Variants in DPY19L1 observed in about 807,000 individuals in gnomAD.
DPY19L1 encodes the protein protein C-mannosyl-transferase DPY19L1.
A neutral mutation model predicts 96.9 loss-of-function variants in DPY19L1; 35 were observed. The ratio of observed to expected loss-of-function variants is 0.36; its 90% CI spans 0.28 to 0.48. The LOEUF (loss-of-function observed/expected upper bound fraction) is 0.48, where lower values mean the gene tolerates loss of function less well. Among genes scored for constraint, DPY19L1 ranks in the 20% least tolerant of loss-of-function variants. The pLI, the probability that DPY19L1 is intolerant of heterozygous loss-of-function variation, is 0.99. For missense variants in DPY19L1, 521 were observed against 777.9 expected (o/e 0.67, Z 3.93); for synonymous variants, 205 against 252.6 (o/e 0.81, Z 1.79).
chr7:34,997,595 G>A (rs1330196112), intron 6 of DPY19L1, among the ~76,000 whole-genome samples: 3 of 129,202 alleles, frequency 2.3e-5, no homozygotes, highest in Non-Finnish European at 4.7e-5. Context: ...GGGCAACTGA[G>A]CGAGACTCCG....
chr7:34,998,068 C>T (rs1356121104), intron 6 of DPY19L1, among the ~76,000 whole-genome samples: 1 of 151,968 alleles, frequency 6.6e-6, no homozygotes, highest in Non-Finnish European at 1.5e-5. Flanking sequence ...AATAAAGCAG[C>T]TTAAAAAAAT....
intron 1 of DPY19L1, among the ~76,000 whole-genome samples, chr7:35,020,114 CACA>C (rs1215111619): frequency 2.0e-5 from 3 of 152,168 alleles, no homozygotes; most frequent in Non-Finnish European, 2.9e-5. Context: ...GCCTGGATGA[CACA>C]ACAAGACCCT....
intron 6 of DPY19L1, among the ~76,000 whole-genome samples, chr7:35,000,921 A>C (rs1238954634): frequency 1.3e-5 from 2 of 152,236 alleles, no homozygotes; most frequent in African/African-American, 4.8e-5. Flanking sequence ...AGACAATTTA[A>C]TTGCTGTGGA....
At chr7:34,946,069 G>T (rs1389366748) in intron 15 of DPY19L1, among the ~76,000 whole-genome samples, 1 of 152,188 alleles carries the variant, frequency 6.6e-6, no homozygotes. Context: ...CCATGCCAAC[G>T]TTGTTGGCAA....
intron 1 of DPY19L1, among the ~76,000 whole-genome samples, chr7:35,024,922 C>T (rs992995523): frequency 5.3e-5 from 8 of 152,184 alleles, no homozygotes; most frequent in Non-Finnish European, 1.0e-4. Context: ...CTGAGTTAAA[C>T]GGTTACATTA....
Position 34,939,248 on chromosome 7 carries a change from T to A in DPY19L1, c.1964+28A>T, listed in dbSNP as rs751978839. On this transcript the variant is annotated intron_variant, in intron 20 of 21. Transcript: ENST00000638088. Reference sequence around the variant, plus strand: ...ACTGTCTGTTTGCATGGGAGGTTTGTTTTGATGATGCAAGACTGTGCACTG... The same window carrying A: ...ACTGTCTGTTTGCATGGGAGGTTTGATTTGATGATGCAAGACTGTGCACTG... 7 of 1,593,202 alleles carry A rather than the reference T, an allele frequency of 4.4e-6. No individual in the cohort carries two copies. The Admixed American group carries it at 1.0e-4, about 24-fold the overall frequency.
At chr7:35,013,366 C>T (rs577242281) in intron 4 of DPY19L1, among the ~76,000 whole-genome samples, 1 of 152,194 alleles carries the variant, frequency 6.6e-6, no homozygotes, top group African/African-American at 2.4e-5. Flanking sequence ...GCAATCAAAT[C>T]AACAGTTCCC....
rs1783695474 is a variant in DPY19L1 at position 34,929,073 on chromosome 7, T to A, written c.*2500A>T. 6.6e-6 allele frequency: 1 copy of A among 152,266 alleles called. No homozygotes were observed. Among genetic ancestry groups the A allele is most frequent in the Non-Finnish European group, 1.5e-5 (1 of 68,048 alleles). The allele number at this position is 152,266 out of a possible 1,614,324, so 9.4% of individuals were successfully genotyped here. The stretch of plus-strand genomic sequence containing the variant: ...AAGCATTTTTAGAGGCTTATCTTTT[T>A]AAAGAAATACAGCCCCAACTTTGTT... On this transcript the variant is annotated 3_prime_UTR_variant, in exon 22 of 22. Coordinates refer to ENST00000638088, the MANE Select transcript of DPY19L1 (RefSeq NM_001366673.1).
intron 7 of DPY19L1, among the ~76,000 whole-genome samples, chr7:34,987,224 A>G (rs1486028814): frequency 6.6e-6 from 1 of 152,052 alleles, no homozygotes; most frequent in Non-Finnish European, 1.5e-5. Flanking sequence ...AAAATTCTCA[A>G]TTGTGACTGA....
At chr7:35,003,163 TA>T (rs199692279) in intron 6 of DPY19L1, among the ~76,000 whole-genome samples, 2,645 of 152,264 alleles carry the variant, frequency 0.017, 25 homozygotes, top group African/African-American at 0.024. Flanking sequence ...CAAAGTTTCA[TA>T]AAATGTTTAC....
intron 10 of DPY19L1, among the ~76,000 whole-genome samples, chr7:34,965,572 T>A (rs937812108): frequency 1.3e-5 from 2 of 152,148 alleles, no homozygotes; most frequent in Non-Finnish European, 2.9e-5. Flanking sequence ...AAAGTAACAA[T>A]AAAGTTCTAT....
intron 3 of DPY19L1, 74 bp from the exon 4 acceptor site, chr7:35,013,779 G>C: frequency 8.1e-7 from 1 of 1,239,728 alleles, no homozygotes; most frequent in African/African-American, 1.5e-5. Flanking sequence ...TAAATACACT[G>C]TTTTTGAAAA....
chr7:34,969,255 C>T (rs975998980), intron 9 of DPY19L1, among the ~76,000 whole-genome samples, 178 bp downstream of exon 9: 3 of 151,910 alleles, frequency 2.0e-5, no homozygotes, highest in Non-Finnish European at 4.4e-5. Flanking sequence ...TTTCTCTACC[C>T]TGAACTTTCT....
At chr7:35,037,966 T>C, upstream of DPY19L1, 2 of 1,157,204 alleles carry the variant, frequency 1.7e-6, no homozygotes, top group Non-Finnish European at 2.2e-6. Flanking sequence ...TCGGAGCCTG[T>C]TAAGGCTGCG....
At chr7:35,002,125 C>CAAAAAAAAAAAAAAAAAA (rs548044939) in intron 6 of DPY19L1, among the ~76,000 whole-genome samples, 2 of 47,086 alleles carry the variant, frequency 4.2e-5, no homozygotes, top group Non-Finnish European at 8.7e-5. Flanking sequence ...GACTCCAGCT[C>CAAAAAAAAAAAAAAAAAA]AAAAAAAAAA....
In DPY19L1 at chr7:35,001,578, A is replaced by T. The variant is rs183134027; in HGVS notation, c.764+8890T>A. Among the ~76,000 whole-genome samples the T allele has an allele frequency of 4.2e-3, 632 of 152,138 alleles. 1 individual carries two copies. The highest frequency in any genetic ancestry group is 0.014 in the African/African-American group (589 of 41,500). On this transcript the variant is annotated intron_variant, in intron 6 of 21. Coordinates refer to ENST00000638088, the MANE Select transcript of DPY19L1 (RefSeq NM_001366673.1). ...TAAAACACTGCACCTCCCTTTTACA[A>T]CCCTAAAAGACCTCTGTTACTTTAT...
chr7:35,037,401 A>G lies in DPY19L1; in HGVS notation c.-7T>C. ...TCCGCGCCTGCAGGACCATCTTGGC[A>G]TAGTCGCGCCCGCTCGCTGCGCGCG... On this transcript the variant is annotated 5_prime_UTR_variant, in exon 1 of 22. It removes an upstream start codon present in the reference 5' UTR. Transcript: ENST00000638088. 1 of 336,722 alleles carries G rather than the reference A, an allele frequency of 3.0e-6. No individual in the cohort carries two copies. The highest frequency in any genetic ancestry group is 5.4e-6 in the Non-Finnish European group (1 of 186,114). 20.9% of individuals were successfully genotyped at this position (336,722 alleles called of 1,614,324 possible).
chr7:34,997,619 A>AAAT (rs1785322603), intron 6 of DPY19L1, among the ~76,000 whole-genome samples: 1 of 150,314 alleles, frequency 6.7e-6, no homozygotes, highest in Non-Finnish European at 1.5e-5. Flanking sequence ...CAAAAAAAAA[A>AAAT]AAAAAAAAAA....
At chr7:34,983,537 A>G (rs1335923991) in intron 7 of DPY19L1, among the ~76,000 whole-genome samples, 2 of 142,808 alleles carry the variant, frequency 1.4e-5, no homozygotes, top group African/African-American at 5.1e-5. Flanking sequence ...AAAGGAAGGC[A>G]AGAAGGGAAG....
Sources: gnomAD v4.1 joint callset for allele counts (sites outside exome capture counted in the v4.1 genomes callset) on GRCh38, gnomAD v4.1.1 for gene constraint, MANE v1.5 for transcripts, NCBI Gene and HGNC (gene_info 2026-07-23, HGNC 2026-07-21) for gene names.